The following CCDC33 variants were observed in gnomAD, a reference collection of about 807,000 sequenced individuals.
The protein encoded by CCDC33 is coiled-coil domain-containing protein 33.
CCDC33 carries 94 observed loss-of-function variants against 91.9 expected under a neutral mutation model. The observed-to-expected ratio is 1.02, with a 90% CI of 0.87 to 1.21. The LOEUF is 1.21. CCDC33 is among the 50% of genes most tolerant of loss of function. The probability of loss-of-function intolerance (pLI) is 0.00; values close to 1 mark genes in which losing one functional copy is unlikely to be tolerated. For missense variants in CCDC33, 940 were observed against 935.5 expected, an observed-to-expected ratio of 1.00 and a Z score of -0.06; for synonymous variants, 396 against 374.5, an observed-to-expected ratio of 1.06 and a Z score of -0.66.
intron 14 of CCDC33, 26 bp from the exon 15 acceptor site, chr15:74,331,177 A>C: frequency 6.2e-7 from 1 of 1,614,050 alleles, no homozygotes; most frequent in African/African-American, 1.3e-5. Context: ...CCCCTGGGCC[A>C]GCCCAGCCTC....
chr15:74,233,419 C>T (rs905801009), upstream of CCDC33, among the ~76,000 whole-genome samples: 1 of 152,228 alleles, frequency 6.6e-6, no homozygotes, highest in African/African-American at 2.4e-5. Context: ...GAGGGCTCCC[C>T]GCTCTGAATC....
intron 11 of CCDC33, among the ~76,000 whole-genome samples, chr15:74,328,640 A>G (rs1382681800): frequency 1.3e-5 from 2 of 152,226 alleles, no homozygotes; most frequent in African/African-American, 4.8e-5. Flanking sequence ...CACTGGTGCA[A>G]TTAGAGGGAG....
At chr15:74,232,426 A>G (rs1190736929), upstream of CCDC33, among the ~76,000 whole-genome samples, 2 of 152,184 alleles carry the variant, frequency 1.3e-5, no homozygotes, top group Non-Finnish European at 2.9e-5. Context: ...ACAAGAGGGA[A>G]CAATGACCAT....
chr15:74,230,022 G>A (rs567875442), intron 2 of CCDC33, among the ~76,000 whole-genome samples: 17 of 152,342 alleles, frequency 1.1e-4, no homozygotes, highest in African/African-American at 3.6e-4. Flanking sequence ...CAGGCTGGCT[G>A]GGGAAGAGGG....
At chr15:74,273,450 T>C (rs1031436844) in intron 7 of CCDC33, among the ~76,000 whole-genome samples, 6 of 152,220 alleles carry the variant, frequency 3.9e-5, no homozygotes, top group African/African-American at 1.4e-4. Flanking sequence ...GAATGTTGTG[T>C]TACGTATATT....
chr15:74,234,537 G>T (rs1651621049), upstream of CCDC33, among the ~76,000 whole-genome samples: 1 of 152,188 alleles, frequency 6.6e-6, no homozygotes, highest in South Asian at 2.1e-4. Context: ...TGTCTCAGGG[G>T]TCCTTGGTCT....
chr15:74,273,005 AAT>A, intron 7 of CCDC33, 114 bp downstream of exon 7: 1 of 1,372,596 alleles, frequency 7.3e-7, no homozygotes, highest in Non-Finnish European at 1.0e-6. Flanking sequence ...GAGTTGACTG[AAT>A]CCCACGGCAT....
intron 11 of CCDC33, among the ~76,000 whole-genome samples, chr15:74,312,469 G>T (rs540007905): frequency 6.6e-6 from 1 of 152,226 alleles, no homozygotes; most frequent in South Asian, 2.1e-4. Flanking sequence ...TTGTGCTACC[G>T]GCTGCAGATC....
At position 74,286,977 on chromosome 15, in the gene CCDC33, A is replaced by G. The variant is rs74023466; in HGVS notation, c.1095+5128A>G. On this transcript the variant is annotated intron_variant, in intron 10 of 18. Coordinates refer to ENST00000398814, the MANE Select transcript of CCDC33 (RefSeq NM_025055.5). Reference sequence around the variant, plus strand: ...CTGGTGGCTTCTTTTCAGACTAGTTACAAAGATCTCTCTGGAGACCAGCCC... The same window carrying G: ...CTGGTGGCTTCTTTTCAGACTAGTTGCAAAGATCTCTCTGGAGACCAGCCC... Among the ~76,000 whole-genome samples the G allele has an allele frequency of 2.3e-3, 348 of 152,300 alleles. 2 individuals are homozygous for G. Among genetic ancestry groups the G allele is most frequent in the African/African-American group, 8.1e-3 (336 of 41,572 alleles).
At chr15:74,334,603 G>A (rs993661259) in intron 17 of CCDC33, among the ~76,000 whole-genome samples, 5 of 151,950 alleles carry the variant, frequency 3.3e-5, no homozygotes, top group Non-Finnish European at 5.9e-5. Context: ...ACGAGGTTAG[G>A]GTTCTGTGTA....
chr15:74,299,324 G>A (rs182039620), intron 11 of CCDC33, among the ~76,000 whole-genome samples: 4 of 152,186 alleles, frequency 2.6e-5, no homozygotes, highest in Non-Finnish European at 4.4e-5. Context: ...GTTTGCTATC[G>A]GGTTAGGGCC....
At chr15:74,208,669 A>G (rs2074316917) in intron 1 of CCDC33, 2 of 977,214 alleles carry the variant, frequency 2.0e-6, no homozygotes, top group Non-Finnish European at 1.2e-6. Context: ...GCTCCAGCCC[A>G]TCACTCTGCT....
rs537225082 is a variant in CCDC33, at chr15:74,264,620, G to A, written c.319+2047G>A. ...GGGGCTTCAGCCTGCACAGCTCCTCGTGGTGCTTTGGCTGGGAGCACTGGA... is the reference window on the plus strand; with the variant it reads ...GGGGCTTCAGCCTGCACAGCTCCTCATGGTGCTTTGGCTGGGAGCACTGGA... On this transcript the variant is annotated intron_variant, in intron 3 of 18. Coordinates refer to ENST00000398814, the MANE Select transcript of CCDC33 (RefSeq NM_025055.5). Among the ~76,000 whole-genome samples, 9 of 152,306 alleles carry A rather than the reference G, an allele frequency of 5.9e-5. No individual in the cohort carries two copies. In the South Asian group the frequency reaches 1.2e-3, roughly 21 times the overall value.
At chr15:74,246,466 T>G (rs1475214437) in intron 2 of CCDC33, among the ~76,000 whole-genome samples, 1 of 152,062 alleles carries the variant, frequency 6.6e-6, no homozygotes, top group Admixed American at 6.6e-5. Flanking sequence ...CTCATACAAC[T>G]CAATAGCAAA....
chr15:74,330,935 T>C, intron 13 of CCDC33, 46 bp from the exon 14 acceptor site: 1 of 1,551,570 alleles, frequency 6.4e-7, no homozygotes, highest in Non-Finnish European at 8.7e-7. Context: ...CAAGGTGGAC[T>C]CCCAGGCACC....
chr15:74,298,329 A>T (rs1309725503), intron 11 of CCDC33, among the ~76,000 whole-genome samples: 2 of 152,006 alleles, frequency 1.3e-5, no homozygotes, highest in African/African-American at 4.8e-5. Context: ...GAAAAAATAG[A>T]GTGGAGGAAG....
At chr15:74,247,369 TATACAC>T (rs757993936) in intron 2 of CCDC33, among the ~76,000 whole-genome samples, 46 of 53,292 alleles carry the variant, frequency 8.6e-4, no homozygotes, top group Admixed American at 1.5e-3. Context: ...TATATATATA[TATACAC>T]ACACACACAC....
chr15:74,240,820 C>T (rs1178042942), intron 1 of CCDC33, among the ~76,000 whole-genome samples: 1 of 152,198 alleles, frequency 6.6e-6, no homozygotes, highest in African/African-American at 2.4e-5. Context: ...CTCGATCTCC[C>T]AGCCTCCAGT....
Position 74,211,159 on chromosome 15 carries a change from A to G in CCDC33, n.237-987A>G, listed in dbSNP as rs757266572. On this transcript the variant is annotated intron_variant and non_coding_transcript_variant, in intron 2 of 3. Coordinates refer to the CCDC33 transcript ENST00000558645. The stretch of plus-strand genomic sequence containing the variant: ...CACCACTACGCACGCACACGCACAC[A>G]CACACACACACACACACACACACCT... Among the ~76,000 whole-genome samples the G allele has an allele frequency of 2.1e-3, 222 of 106,306 alleles. 1 individual carries two copies. The highest frequency in any genetic ancestry group is 0.02 in the South Asian group (88 of 4,418). The allele number at this position is 106,306 out of a possible 152,430, so 69.7% of individuals were successfully genotyped here. A position where few individuals can be genotyped will look rare whatever the true frequency, so the allele number is the denominator to read the frequency against.
Sources: allele counts gnomAD v4.1 joint callset (sites outside exome capture counted in the v4.1 genomes callset), GRCh38; gene constraint gnomAD v4.1.1; transcripts MANE v1.5; gene names NCBI Gene and HGNC (gene_info 2026-07-23, HGNC 2026-07-21).